SLC16A7: variants seen among roughly 807,000 people sequenced by gnomAD.
SLC16A7 encodes monocarboxylate transporter 2.
A neutral mutation model predicts 34.9 loss-of-function variants in SLC16A7; 33 were observed. The observed-to-expected ratio is 0.94, with a 90% CI of 0.72 to 1.26. The LOEUF is 1.26. Among genes scored for constraint, SLC16A7 ranks in the 50% most tolerant of loss-of-function variants. The pLI is 0.00. For missense variants in SLC16A7, 573 were observed against 578.1 expected (o/e 0.99, Z 0.09); for synonymous variants, 201 against 206.6 (o/e 0.97, Z 0.23).
chr12:59,695,314 T>G (rs1872154126), intron 2 of SLC16A7, among the ~76,000 whole-genome samples: 1 of 152,020 alleles, frequency 6.6e-6, no homozygotes, highest in Non-Finnish European at 1.5e-5. Flanking sequence ...ATGAGCTGGT[T>G]ACTTGTGGTG....
At chr12:59,758,286 A>G (rs923212514) in intron 3 of SLC16A7, among the ~76,000 whole-genome samples, 2 of 152,150 alleles carry the variant, frequency 1.3e-5, no homozygotes, top group African/African-American at 4.8e-5. Flanking sequence ...AAGATTTTAG[A>G]AAACTTAGGA....
chr12:59,611,905 G>T (rs1335488354), intron 1 of SLC16A7, among the ~76,000 whole-genome samples: 1 of 152,226 alleles, frequency 6.6e-6, no homozygotes, highest in Non-Finnish European at 1.5e-5. Flanking sequence ...GCCTTGGGCA[G>T]CTCCTCACCT....
chr12:59,740,841 C>G (rs1878238751), intron 3 of SLC16A7, among the ~76,000 whole-genome samples: 1 of 152,120 alleles, frequency 6.6e-6, no homozygotes, highest in African/African-American at 2.4e-5. Flanking sequence ...TCTCCTTAAG[C>G]TGATAAGCAA....
rs188493012 is a variant in SLC16A7 at position 59,641,930 on chromosome 12, A to G, written c.-129-13222A>G. ...TAGTGGTAATACTTCACCATTTTGG[A>G]TTATCAAAACTGTATCTATGTGCCC... On this transcript the variant is annotated intron_variant, in intron 1 of 5. Coordinates refer to ENST00000547379, the MANE Select transcript of SLC16A7 (RefSeq NM_001270623.2). Among the ~76,000 whole-genome samples the G allele has an allele frequency of 5.8e-3, 889 of 152,130 alleles. 6 individuals are homozygous for G. The highest frequency in any genetic ancestry group is 0.02 in the African/African-American group (851 of 41,532).
In SLC16A7 at chr12:59,596,917, G is replaced by A. The variant is rs1162488072; in HGVS notation, c.-130+681G>A. The A allele has an allele frequency of 6.6e-6, 1 of 152,398 alleles. No individual in the cohort carries two copies. The highest frequency in any genetic ancestry group is 1.5e-5 in the Non-Finnish European group (1 of 68,192). The allele number at this position is 152,398 out of a possible 1,614,324, so 9.4% of individuals were successfully genotyped here. A position where few individuals can be genotyped will look rare whatever the true frequency, so the allele number is the denominator to read the frequency against. ...GGCGAGGCCTGAGCCCAGGCAGAAAGGGACCTCTGACTTGGCAAGGGTTCA... is the reference window on the plus strand; with the variant it reads ...GGCGAGGCCTGAGCCCAGGCAGAAAAGGACCTCTGACTTGGCAAGGGTTCA... On this transcript the variant is annotated intron_variant, in intron 1 of 5. Transcript: ENST00000547379. The surrounding 1 kb of genome is among the most constrained non-coding windows in gnomAD (Gnocchi z 5.0).
At chr12:59,626,788 T>C (rs1879947893) in intron 1 of SLC16A7, among the ~76,000 whole-genome samples, 1 of 151,804 alleles carries the variant, frequency 6.6e-6, no homozygotes, top group Non-Finnish European at 1.5e-5. Context: ...GGTCAGATTG[T>C]GTAAGAGGGA....
intron 3 of SLC16A7, among the ~76,000 whole-genome samples, chr12:59,770,874 G>T (rs1040565978): frequency 6.6e-5 from 10 of 151,904 alleles, no homozygotes; most frequent in Non-Finnish European, 1.2e-4. Context: ...AGATTTTTTT[G>T]TTACATAAAT....
chr12:59,681,805 G>A (rs180929649), intron 2 of SLC16A7, among the ~76,000 whole-genome samples: 13 of 152,134 alleles, frequency 8.5e-5, no homozygotes, highest in African/African-American at 2.4e-4. Flanking sequence ...GGGCATATAG[G>A]GAATCAACAG....
At chr12:59,716,192 G>C (rs1296469798) in intron 3 of SLC16A7, among the ~76,000 whole-genome samples, 1 of 152,110 alleles carries the variant, frequency 6.6e-6, no homozygotes, top group African/African-American at 2.4e-5. Flanking sequence ...GCATTCTGTT[G>C]GGTGGTGGTT....
chr12:59,597,741 CT>C (rs1257275177), intron 1 of SLC16A7, among the ~76,000 whole-genome samples: 19 of 152,168 alleles, frequency 1.2e-4, no homozygotes, highest in African/African-American at 4.6e-4. Context: ...AAGTGAGGGA[CT>C]GAATGATCTC....
chr12:59,765,896 G>A (rs2137414324), intron 3 of SLC16A7, among the ~76,000 whole-genome samples: 1 of 152,226 alleles, frequency 6.6e-6, no homozygotes, highest in South Asian at 2.1e-4. Flanking sequence ...TGATGGGGAT[G>A]GCATTGAATC....
At chr12:59,719,893 G>T (rs11173121) in intron 3 of SLC16A7, 85,305 of 513,582 alleles carry the variant, frequency 0.17, 7,938 homozygotes, top group Non-Finnish European at 0.19. Context: ...AATTTTCCGT[G>T]GTCCACTGGA....
intron 3 of SLC16A7, among the ~76,000 whole-genome samples, chr12:59,711,958 G>T (rs1874271857): frequency 6.6e-6 from 1 of 152,194 alleles, no homozygotes; most frequent in Admixed American, 6.5e-5. Context: ...ATTAATAGCA[G>T]ATATGAAATT....
At chr12:59,651,008 A>G (rs898655849) in intron 1 of SLC16A7, among the ~76,000 whole-genome samples, 1 of 152,150 alleles carries the variant, frequency 6.6e-6, no homozygotes, top group African/African-American at 2.4e-5. Flanking sequence ...TCTTACTCCC[A>G]TGCAGAGCCC....
At chr12:59,669,371 TG>T (rs1171972306) in intron 2 of SLC16A7, among the ~76,000 whole-genome samples, 2 of 152,126 alleles carry the variant, frequency 1.3e-5, no homozygotes, top group African/African-American at 4.8e-5. Context: ...TTTTTTAAAG[TG>T]GGGTATATAT....
chr12:59,681,212 A>G (rs890647773), intron 2 of SLC16A7, among the ~76,000 whole-genome samples: 11 of 152,266 alleles, frequency 7.2e-5, no homozygotes, highest in Admixed American at 3.3e-4. Context: ...GTTCTTAATC[A>G]CCTATCCCCT....
Position 59,702,149 on chromosome 12 carries a change from A to C in SLC16A7, c.-30-2623A>C, listed in dbSNP as rs115897112. Among the ~76,000 whole-genome samples, 875 of 152,004 alleles carry C rather than the reference A, an allele frequency of 5.8e-3. 8 individuals are homozygous for C. Among genetic ancestry groups the C allele is most frequent in the African/African-American group, 0.019 (805 of 41,552 alleles). On this transcript the variant is annotated intron_variant, in intron 2 of 5. Coordinates refer to ENST00000547379, the MANE Select transcript of SLC16A7 (RefSeq NM_001270623.2). Reference sequence around the variant, plus strand: ...AGTAATAAAATTTAGTAATATATAGATTCAGATTCTTTAGACAACTTTCAA... The same window carrying C: ...AGTAATAAAATTTAGTAATATATAGCTTCAGATTCTTTAGACAACTTTCAA...
chr12:59,746,860 G>A (rs895904656), intron 3 of SLC16A7, among the ~76,000 whole-genome samples: 1 of 152,078 alleles, frequency 6.6e-6, no homozygotes, highest in Non-Finnish European at 1.5e-5. Flanking sequence ...TTTGTGACAG[G>A]ATCTCACTCT....
chr12:59,614,159 G>A (rs1879331331), intron 1 of SLC16A7, among the ~76,000 whole-genome samples: 1 of 150,910 alleles, frequency 6.6e-6, no homozygotes, highest in Non-Finnish European at 1.5e-5. Flanking sequence ...CAAGCTATTC[G>A]TGTGCCTCAG....
Sources: gnomAD v4.1 joint callset for allele counts (sites outside exome capture counted in the v4.1 genomes callset) on GRCh38, gnomAD v4.1.1 for gene constraint, Gnocchi (gnomAD v3.1) non-coding constraint, MANE v1.5 for transcripts, NCBI Gene and HGNC (gene_info 2026-07-23, HGNC 2026-07-21) for gene names.